The following DTNA variants were observed in gnomAD, a reference collection of about 807,000 sequenced individuals.
The protein encoded by DTNA is dystrophin-related protein 3.
Under a neutral mutation model 100.7 loss-of-function variants are expected in DTNA, and 43 were observed. The ratio of observed to expected loss-of-function variants is 0.43; its 90% confidence interval spans 0.33 to 0.55. The LOEUF (loss-of-function observed/expected upper bound fraction) is 0.55, where lower values mean the gene tolerates loss of function less well. Among genes scored for constraint, DTNA ranks in the 20% least tolerant of loss-of-function variants. The pLI is 0.04. For synonymous variants in DTNA, 349 were observed against 347.9 expected (o/e 1.00, Z -0.04); for missense variants, 798 against 953.9 (o/e 0.84, Z 2.15).
chr18:34,613,918 T>C (rs1462666967), intron 1 of DTNA, among the ~76,000 whole-genome samples: 3 of 152,192 alleles, frequency 2.0e-5, no homozygotes, highest in Non-Finnish European at 4.4e-5. Context: ...CAAAACAGCT[T>C]TCTATAGGAA....
chr18:34,767,074 C>A (rs1434080129), intron 3 of DTNA, among the ~76,000 whole-genome samples: 1 of 151,976 alleles, frequency 6.6e-6, no homozygotes, highest in Non-Finnish European at 1.5e-5. Flanking sequence ...AGAACGTTTT[C>A]TTTTCTTTTT....
At chr18:34,561,011 T>A (rs183776069) in intron 1 of DTNA, among the ~76,000 whole-genome samples, 2 of 152,238 alleles carry the variant, frequency 1.3e-5, no homozygotes, top group Non-Finnish European at 2.9e-5. Flanking sequence ...TGGTTTAACA[T>A]ATTAAGTTCT....
At chr18:34,882,978 GTTCA>G (rs1470290540) in intron 21 of DTNA, among the ~76,000 whole-genome samples, 2 of 152,170 alleles carry the variant, frequency 1.3e-5, no homozygotes, top group Non-Finnish European at 2.9e-5. Flanking sequence ...GCAGGCCTGT[GTTCA>G]TCAAGGTATG....
chr18:34,839,001 T>C (rs942184857), intron 13 of DTNA, among the ~76,000 whole-genome samples, 164 bp downstream of exon 13: 1 of 152,166 alleles, frequency 6.6e-6, no homozygotes, highest in African/African-American at 2.4e-5. Flanking sequence ...GTTTGGATAC[T>C]TCCCATGAAG....
At chr18:34,834,461 C>G (rs1285785040) in intron 11 of DTNA, among the ~76,000 whole-genome samples, 2 of 151,898 alleles carry the variant, frequency 1.3e-5, no homozygotes, top group Admixed American at 6.6e-5. Context: ...CAAGATCGCA[C>G]CATTGCACTC....
chr18:34,604,990 A>G (rs1357535855), intron 1 of DTNA, among the ~76,000 whole-genome samples: 1 of 151,376 alleles, frequency 6.6e-6, no homozygotes, highest in Non-Finnish European at 1.5e-5. Context: ...ATATATACCA[A>G]CTTAACTGGA....
intron 22 of DTNA, among the ~76,000 whole-genome samples, chr18:34,886,558 A>C (rs911388185): frequency 1.2e-4 from 19 of 152,246 alleles, no homozygotes; most frequent in African/African-American, 4.6e-4. Context: ...TATTTTTGAA[A>C]GTCTAATAAA....
intron 1 of DTNA, among the ~76,000 whole-genome samples, chr18:34,681,093 A>C (rs998195024): frequency 1.3e-5 from 2 of 152,096 alleles, no homozygotes; most frequent in African/African-American, 4.8e-5. Context: ...AATTTGATCC[A>C]CCATTCCCAA....
rs575067107 is a variant in DTNA at position 34,558,913 on chromosome 18, C to G, written c.-2+65399C>G. Among the ~76,000 whole-genome samples the G allele has an allele frequency of 6.6e-5, 10 of 152,282 alleles. No individual in the cohort carries two copies. In the South Asian group the frequency reaches 1.9e-3, roughly 28 times the overall value. ...CAGTACTAAGATAGCCAGAATGAGACTATTGATGGAGATGGTTGACAGACT... is the reference window on the plus strand; with the variant it reads ...CAGTACTAAGATAGCCAGAATGAGAGTATTGATGGAGATGGTTGACAGACT... On this transcript the variant is annotated intron_variant, in intron 1 of 19. Coordinates refer to the DTNA transcript ENST00000283365.
chr18:34,493,705 C>G (rs1242916870), intron 1 of DTNA, among the ~76,000 whole-genome samples: 1 of 149,088 alleles, frequency 6.7e-6, no homozygotes, highest in Non-Finnish European at 1.5e-5. Context: ...GCGCAGGGAC[C>G]GCAGCCGCCC....
intron 4 of DTNA, among the ~76,000 whole-genome samples, chr18:34,805,275 G>A (rs4465669): frequency 0.12 from 18,915 of 152,178 alleles, 1,285 homozygotes; most frequent in African/African-American, 0.17. Context: ...GAATCAATGA[G>A]GATTTGGCAG....
intron 1 of DTNA, among the ~76,000 whole-genome samples, chr18:34,497,989 A>C (rs1427567120): frequency 6.6e-6 from 1 of 152,192 alleles, no homozygotes; most frequent in Non-Finnish European, 1.5e-5. Flanking sequence ...AATTAATGTA[A>C]GAATTTTAAG....
At chr18:34,804,686 G>T (rs543249573) in intron 4 of DTNA, among the ~76,000 whole-genome samples, 2 of 152,282 alleles carry the variant, frequency 1.3e-5, no homozygotes, top group African/African-American at 4.8e-5. Flanking sequence ...TGAGTATTAT[G>T]GAAGAGCTCT....
At chr18:34,496,785 A>G (rs1274486762) in intron 1 of DTNA, among the ~76,000 whole-genome samples, 4 of 152,240 alleles carry the variant, frequency 2.6e-5, no homozygotes, top group Admixed American at 2.6e-4. Flanking sequence ...TGGAGGTCAG[A>G]ACAAGATGCC....
At chr18:34,673,984 C>G (rs962108027) in intron 1 of DTNA, among the ~76,000 whole-genome samples, 1 of 152,154 alleles carries the variant, frequency 6.6e-6, no homozygotes, top group African/African-American at 2.4e-5. Context: ...TATGGATACC[C>G]AGAATTGTGA....
At chr18:34,869,288 G>A (rs1413758752) in intron 17 of DTNA, among the ~76,000 whole-genome samples, 1 of 151,758 alleles carries the variant, frequency 6.6e-6, no homozygotes, top group Non-Finnish European at 1.5e-5. Flanking sequence ...TTTCAAATTT[G>A]GTCCATATTT....
intron 1 of DTNA, among the ~76,000 whole-genome samples, chr18:34,592,886 TAAG>T (rs2049900507): frequency 6.6e-6 from 1 of 152,140 alleles, no homozygotes; most frequent in Non-Finnish European, 1.5e-5. Context: ...TCCTCAAAGT[TAAG>T]AAAAAAAATT....
chr18:34,778,695 T>A (rs2094174495), intron 3 of DTNA, among the ~76,000 whole-genome samples: 1 of 152,228 alleles, frequency 6.6e-6, no homozygotes, highest in African/African-American at 2.4e-5. Context: ...AAGCACATGG[T>A]TAAGTGACCT....
intron 1 of DTNA, among the ~76,000 whole-genome samples, chr18:34,608,650 C>G (rs761817122): frequency 6.6e-6 from 1 of 151,196 alleles, no homozygotes; most frequent in Non-Finnish European, 1.5e-5. Flanking sequence ...TTCTTTTTTC[C>G]TTTTTGAGAA....
Sources: gnomAD v4.1 joint callset for allele counts (sites outside exome capture counted in the v4.1 genomes callset) on GRCh38, gnomAD v4.1.1 for gene constraint, MANE v1.5 for transcripts, NCBI Gene and HGNC (gene_info 2026-07-23, HGNC 2026-07-21) for gene names.